Variants in GPLD1 observed in about 807,000 individuals in gnomAD.
The protein encoded by GPLD1 is glycosylphosphatidylinositol specific phospholipase D1.
In GPLD1, 84 loss-of-function variants were observed where a neutral mutation model predicts 112.6. The ratio of observed to expected loss-of-function variants is 0.75; its 90% CI spans 0.63 to 0.89. GPLD1 has a LOEUF of 0.89. Among genes scored for constraint, GPLD1 ranks in the 40% least tolerant of loss-of-function variants. The pLI is 0.00. For synonymous variants in GPLD1, 386 were observed against 403.8 expected (o/e 0.96, Z 0.53); for missense variants, 1,044 against 1,051.5 (o/e 0.99, Z 0.10).
chr6:24,471,588 T>G (rs1410442878), intron 7 of GPLD1, among the ~76,000 whole-genome samples: 1 of 152,190 alleles, frequency 6.6e-6, no homozygotes, highest in Non-Finnish European at 1.5e-5. Context: ...AAAATAAAAT[T>G]AGATTTACAT....
chr6:24,444,182 T>C (rs952745363), intron 20 of GPLD1, among the ~76,000 whole-genome samples: 1 of 152,176 alleles, frequency 6.6e-6, no homozygotes, highest in African/African-American at 2.4e-5. Flanking sequence ...TAATTACTTA[T>C]TCACAATAGT....
At chr6:24,483,434 G>A (rs867055983) in intron 2 of GPLD1, among the ~76,000 whole-genome samples, 3 of 150,558 alleles carry the variant, frequency 2.0e-5, no homozygotes, top group Non-Finnish European at 4.4e-5. Flanking sequence ...ATCCCAGCAC[G>A]TTGGGAGGCT....
chr6:24,457,610 T>C (rs2793430), intron 12 of GPLD1, among the ~76,000 whole-genome samples: 96,968 of 151,976 alleles, frequency 0.64, 31,320 homozygotes, highest in African/African-American at 0.72. Flanking sequence ...CGGCCAGGCG[T>C]GGTGGCTCAC....
intron 2 of GPLD1, among the ~76,000 whole-genome samples, chr6:24,484,977 C>T (rs898340382): frequency 1.3e-5 from 2 of 152,294 alleles, no homozygotes; most frequent in South Asian, 2.1e-4. Context: ...ATTACACCTT[C>T]GTCACAAAGT....
chr6:24,461,533 A>G (rs1171716229), intron 11 of GPLD1, among the ~76,000 whole-genome samples: 2 of 152,086 alleles, frequency 1.3e-5, no homozygotes, highest in African/African-American at 2.4e-5. Flanking sequence ...CACTTCTTCA[A>G]GGAGAGCTCT....
Position 24,448,046 on chromosome 6 carries a change from C to T in GPLD1, c.1522-13G>A. The T allele has an allele frequency of 6.2e-7, 1 of 1,613,328 alleles. No individual in the cohort carries two copies. The highest frequency in any genetic ancestry group is 8.5e-7 in the Non-Finnish European group (1 of 1,179,780). On this transcript the variant is annotated splice_polypyrimidine_tract_variant and intron_variant, in intron 16 of 24. Transcript: ENST00000230036. Reference sequence around the variant, plus strand: ...TACAGTAGATGTCCTTAAGAAGAAACCAGGAAAGCACATTTTACCCAGCCC... The same window carrying T: ...TACAGTAGATGTCCTTAAGAAGAAATCAGGAAAGCACATTTTACCCAGCCC...
intron 12 of GPLD1, among the ~76,000 whole-genome samples, chr6:24,459,332 C>A (rs1020327270): frequency 1.3e-5 from 2 of 152,070 alleles, no homozygotes; most frequent in African/African-American, 2.4e-5. Context: ...CAGCTCACTG[C>A]AACCTCTGCC....
In GPLD1 at chr6:24,464,166, A is replaced by C. The variant is rs77213497; in HGVS notation, c.822-1371T>G. On this transcript the variant is annotated intron_variant, in intron 10 of 24. Transcript: ENST00000230036. ...TTTGCTTCCTTCTAATAATAATAGT[A>C]ACCAATACTTAGTAAGTGCTTACTC... 3.8e-3 allele frequency among the ~76,000 whole-genome samples: 585 copies of C among 152,344 alleles called. 3 individuals carry two copies. The highest frequency in any genetic ancestry group is 0.013 in the African/African-American group (543 of 41,568).
At chr6:24,452,949 G>C (rs535740555) in intron 14 of GPLD1, among the ~76,000 whole-genome samples, 1 of 152,122 alleles carries the variant, frequency 6.6e-6, no homozygotes, top group African/African-American at 2.4e-5. Context: ...TGCCAGGCCA[G>C]TATCACCAAA....
chr6:24,479,767 T>C (rs1764139617), intron 3 of GPLD1, 114 bp downstream of exon 3: 1 of 592,264 alleles, frequency 1.7e-6, no homozygotes, highest in South Asian at 2.5e-5. Flanking sequence ...ATGGAAAATA[T>C]ACTGTGCAAT....
At chr6:24,472,665 G>A in intron 6 of GPLD1, 29 bp from the exon 7 acceptor site, 1 of 1,330,286 alleles carries the variant, frequency 7.5e-7, no homozygotes, top group East Asian at 2.3e-5. Flanking sequence ...ATTGACATTT[G>A]GTGGATTAGT....
At chr6:24,454,318 C>T (rs1763197621) in intron 13 of GPLD1, 117 bp from the exon 14 acceptor site, 1 of 591,088 alleles carries the variant, frequency 1.7e-6, no homozygotes, top group Non-Finnish European at 2.8e-6. Context: ...GACTTTTCCA[C>T]CCTGCGTGAC....
chr6:24,430,160 A>T (rs1005948893), intron 24 of GPLD1, among the ~76,000 whole-genome samples: 1 of 152,242 alleles, frequency 6.6e-6, no homozygotes, highest in Non-Finnish European at 1.5e-5. Flanking sequence ...TACACTTAAG[A>T]AAACAGCATC....
At chr6:24,440,618 T>C (rs1438674300) in intron 20 of GPLD1, among the ~76,000 whole-genome samples, 1 of 139,696 alleles carries the variant, frequency 7.2e-6, no homozygotes, top group East Asian at 2.1e-4. Context: ...CCAGGTGTTG[T>C]GGCACATGCC....
At chr6:24,489,612 A>T, upstream of GPLD1, 1 of 1,554,524 alleles carries the variant, frequency 6.4e-7, no homozygotes, top group South Asian at 1.2e-5. Flanking sequence ...GCTTCTCTCT[A>T]AGCAGGTCAC....
chr6:24,471,029 A>G (rs1276925968), intron 7 of GPLD1, among the ~76,000 whole-genome samples: 1 of 152,272 alleles, frequency 6.6e-6, no homozygotes, highest in African/African-American at 2.4e-5. Flanking sequence ...ACAAAGGCAA[A>G]GAATAGGCAA....
At chr6:24,464,445 C>T (rs1302259135) in intron 10 of GPLD1, among the ~76,000 whole-genome samples, 1 of 152,134 alleles carries the variant, frequency 6.6e-6, no homozygotes, top group Non-Finnish European at 1.5e-5. Context: ...TTAAAAGTGG[C>T]ATTCATATGA....
chr6:24,491,123 CCT>C (rs1400391408), upstream of GPLD1, among the ~76,000 whole-genome samples: 12 of 152,170 alleles, frequency 7.9e-5, no homozygotes, highest in East Asian at 1.9e-4. Flanking sequence ...CCAGCTGCCC[CCT>C]GATAGAGCAT....
At chr6:24,464,797 C>T (rs1001733459) in intron 10 of GPLD1, among the ~76,000 whole-genome samples, 1 of 152,206 alleles carries the variant, frequency 6.6e-6, no homozygotes, top group East Asian at 1.9e-4. Context: ...CTGCCCTTTC[C>T]CCGATTCGGG....
Sources: allele counts gnomAD v4.1 joint callset (sites outside exome capture counted in the v4.1 genomes callset), GRCh38; gene constraint gnomAD v4.1.1; transcripts MANE v1.5; gene names NCBI Gene and HGNC (gene_info 2026-07-23, HGNC 2026-07-21).